The following EFL1 variants were observed in gnomAD, a reference collection of about 807,000 sequenced individuals.
The protein encoded by EFL1 is elongation factor like GTPase 1.
In EFL1, 76 loss-of-function variants were observed where a neutral mutation model predicts 126.7. The observed-to-expected ratio is 0.60, with a 90% CI of 0.50 to 0.73. EFL1 has a LOEUF of 0.73. Among genes scored for constraint, EFL1 ranks in the 30% least tolerant of loss-of-function variants. The probability of loss-of-function intolerance (pLI) is 0.00; values close to 1 mark genes in which losing one functional copy is unlikely to be tolerated. For missense variants in EFL1, 1,128 were observed against 1,343.2 expected, an observed-to-expected ratio of 0.84 and a Z score of 2.50; for synonymous variants, 410 against 448.4, an observed-to-expected ratio of 0.91 and a Z score of 1.08.
chr15:82,236,915 G>T (rs145255253), intron 7 of EFL1, among the ~76,000 whole-genome samples: 19 of 152,156 alleles, frequency 1.2e-4, no homozygotes, highest in African/African-American at 4.6e-4. Context: ...AGGCCGAGGC[G>T]GATCACTTGA....
At chr15:82,236,046 C>G (rs1362782473) in intron 7 of EFL1, among the ~76,000 whole-genome samples, 4 of 151,554 alleles carry the variant, frequency 2.6e-5, no homozygotes, top group Admixed American at 6.6e-5. Flanking sequence ...TGTGCTAACA[C>G]CAAAATTAAA....
At chr15:82,174,979 T>C (rs1224977093) in intron 15 of EFL1, among the ~76,000 whole-genome samples, 1 of 152,258 alleles carries the variant, frequency 6.6e-6, no homozygotes, top group Non-Finnish European at 1.5e-5. Flanking sequence ...GAATATGTCA[T>C]ATGTCTTCTG....
At chr15:82,175,786 C>T (rs2074188866) in intron 15 of EFL1, among the ~76,000 whole-genome samples, 3 of 151,934 alleles carry the variant, frequency 2.0e-5, no homozygotes, top group Non-Finnish European at 4.4e-5. Context: ...CCAGGAGGTT[C>T]AAGACCTGGG....
At chr15:82,236,000 T>C (rs886541906) in intron 7 of EFL1, among the ~76,000 whole-genome samples, 1 of 152,068 alleles carries the variant, frequency 6.6e-6, no homozygotes, top group African/African-American at 2.4e-5. Context: ...AAGATCAACA[T>C]ACAAAAATTA....
At chr15:82,217,145 CAA>C (rs2074656077) in intron 14 of EFL1, among the ~76,000 whole-genome samples, 1 of 151,806 alleles carries the variant, frequency 6.6e-6, no homozygotes, top group Non-Finnish European at 1.5e-5. Flanking sequence ...TGGCACAAAT[CAA>C]AAGCCTAACA....
chr15:82,255,681 A>G (rs778709613), intron 3 of EFL1, among the ~76,000 whole-genome samples: 5 of 152,124 alleles, frequency 3.3e-5, no homozygotes, highest in Non-Finnish European at 7.3e-5. Flanking sequence ...TGTTAACTAG[A>G]GGTCCAATTT....
intron 19 of EFL1, among the ~76,000 whole-genome samples, chr15:82,131,167 AT>A (rs1178433950): frequency 1.3e-5 from 2 of 152,174 alleles, no homozygotes; most frequent in African/African-American, 4.8e-5. Flanking sequence ...TCATAATATA[AT>A]TTTTAAAAGC....
chr15:82,241,215 C>T lies in EFL1; in HGVS notation c.378+55G>A. The T allele has an allele frequency of 6.3e-6, 10 of 1,591,696 alleles. 1 individual carries two copies. In the South Asian group the frequency reaches 1.1e-4, roughly 18 times the overall value. On this transcript the variant is annotated intron_variant, in intron 5 of 19. Transcript: ENST00000268206. ...GTGAAATGCCTAAAGTCAGTCAGTT[C>T]CCCCTCTTTCCTCACCCTTAACCAT...
intron 7 of EFL1, among the ~76,000 whole-genome samples, chr15:82,237,561 G>A (rs147115526): frequency 0.02 from 3,066 of 152,296 alleles, 47 homozygotes; most frequent in Middle Eastern, 0.068. Context: ...CTGCTGGTGA[G>A]AATATAAAAT....
chr15:82,178,003 G>T (rs2074212236), intron 15 of EFL1, among the ~76,000 whole-genome samples: 2 of 152,188 alleles, frequency 1.3e-5, no homozygotes, highest in South Asian at 4.1e-4. Context: ...ATACTGTGAG[G>T]TAAGATTGTC....
rs1396388220 is a variant in EFL1 at position 82,262,702 on chromosome 15, G to C, written c.-108C>G. The C allele has an allele frequency of 2.6e-5, 18 of 691,520 alleles. No homozygotes were observed. The highest frequency in any genetic ancestry group is 4.1e-5 in the South Asian group (2 of 48,754). 42.8% of individuals were successfully genotyped at this position (691,520 alleles called of 1,614,324 possible). On this transcript the variant is annotated 5_prime_UTR_variant, in exon 1 of 20. Transcript: ENST00000268206. ...GAAAGTCCGAGAGCTCTGCGGGTCCGACACGCCCGCGCGCCAGGGGGCGGG... is the reference window on the plus strand; with the variant it reads ...GAAAGTCCGAGAGCTCTGCGGGTCCCACACGCCCGCGCGCCAGGGGGCGGG...
intron 15 of EFL1, among the ~76,000 whole-genome samples, chr15:82,199,085 G>A (rs181546956): frequency 4.0e-5 from 6 of 151,458 alleles, no homozygotes; most frequent in Admixed American, 3.9e-4. Flanking sequence ...TCCTGAGAAA[G>A]GAAGGCTTAT....
At chr15:82,231,075 A>G in intron 7 of EFL1, 104 bp from the exon 8 acceptor site, 1 of 1,339,406 alleles carries the variant, frequency 7.5e-7, no homozygotes. Flanking sequence ...AACTTAATCC[A>G]GTATCCTACA....
At chr15:82,196,739 T>C (rs1168321619) in intron 15 of EFL1, among the ~76,000 whole-genome samples, 1 of 152,216 alleles carries the variant, frequency 6.6e-6, no homozygotes, top group Admixed American at 6.5e-5. Flanking sequence ...AGTGCATTAA[T>C]AATTGTGGCT....
At chr15:82,258,959 T>C (rs2075089447) in intron 3 of EFL1, 129 bp downstream of exon 3, 2 of 790,148 alleles carry the variant, frequency 2.5e-6, no homozygotes, top group African/African-American at 1.7e-5. Context: ...CAAAATGGAT[T>C]GGCAGCTTTT....
At chr15:82,177,509 T>C (rs1273427210) in intron 15 of EFL1, among the ~76,000 whole-genome samples, 1 of 152,190 alleles carries the variant, frequency 6.6e-6, no homozygotes. Flanking sequence ...TTCAAGTGCG[T>C]GTAAACAGCC....
chr15:82,204,111 A>G (rs1012553380), intron 15 of EFL1, among the ~76,000 whole-genome samples: 2 of 152,184 alleles, frequency 1.3e-5, no homozygotes, highest in African/African-American at 4.8e-5. Flanking sequence ...ATGAAAGGAC[A>G]TTTCACCGAG....
intron 15 of EFL1, among the ~76,000 whole-genome samples, chr15:82,214,197 T>A (rs1227033916): frequency 6.6e-6 from 1 of 152,208 alleles, no homozygotes; most frequent in Non-Finnish European, 1.5e-5. Context: ...AAAAGTGAAT[T>A]CTGCACATGG....
chr15:82,206,440 G>C (rs1483528897), intron 15 of EFL1, among the ~76,000 whole-genome samples: 1 of 152,038 alleles, frequency 6.6e-6, no homozygotes, highest in Non-Finnish European at 1.5e-5. Context: ...AGATACAGAA[G>C]TAAATATCCC....
Sources: gnomAD v4.1 joint callset for allele counts (sites outside exome capture counted in the v4.1 genomes callset) on GRCh38, gnomAD v4.1.1 for gene constraint, MANE v1.5 for transcripts, NCBI Gene and HGNC (gene_info 2026-07-23, HGNC 2026-07-21) for gene names.